Variants in TENM2 observed in about 807,000 individuals in gnomAD.
TENM2 encodes teneurin transmembrane protein 2.
Under a neutral mutation model 245.2 loss-of-function variants are expected in TENM2, and 52 were observed. That is an observed-to-expected ratio of 0.21 (90% CI 0.17 to 0.27). TENM2 has a LOEUF of 0.27. Among genes scored for constraint, TENM2 ranks in the 10% least tolerant of loss-of-function variants. TENM2 has a pLI of 1.00. For synonymous variants in TENM2, 1,363 were observed against 1,438.9 expected (o/e 0.95, Z 1.19); for missense variants, 3,046 against 3,666.8 (o/e 0.83, Z 4.37).
chr5:167,185,788 G>A, the TENM2 span, among the ~76,000 whole-genome samples: 2 of 151,784 alleles, frequency 1.3e-5, no homozygotes, highest in East Asian at 1.9e-4. Context: ...CTCCTTTCAC[G>A]GCCCTCAGAA....
intron 2 of TENM2, among the ~76,000 whole-genome samples, chr5:167,460,401 T>C (rs528666646): frequency 6.6e-6 from 1 of 152,352 alleles, no homozygotes; most frequent in Non-Finnish European, 1.5e-5. Context: ...CCATTTGTTT[T>C]AGGTAGACTG....
intron 26 of TENM2, among the ~76,000 whole-genome samples, chr5:168,246,302 C>A (rs1251773977): frequency 1.3e-5 from 2 of 151,956 alleles, no homozygotes; most frequent in Non-Finnish European, 1.5e-5. Flanking sequence ...GTGTTTCACA[C>A]AGCTCCCCTG....
chr5:167,378,074 A>G (rs1760872812), intron 2 of TENM2, among the ~76,000 whole-genome samples: 1 of 152,000 alleles, frequency 6.6e-6, no homozygotes, highest in South Asian at 2.1e-4. Flanking sequence ...TCTTGGTGGG[A>G]TTTTGGGATA....
chr5:168,215,076 C>G (rs368543584), exon 21 of TENM2: 1 of 1,613,710 alleles, frequency 6.2e-7, no homozygotes, highest in Non-Finnish European at 8.5e-7. Context: ...TGGCAGTGGA[C>G]CCCGTGTCCG....
chr5:167,934,499 A>G (rs1198480095), intron 3 of TENM2, among the ~76,000 whole-genome samples: 1 of 152,190 alleles, frequency 6.6e-6, no homozygotes, highest in Non-Finnish European at 1.5e-5. Flanking sequence ...CACCTTTAAA[A>G]GCAAGTACTT....
chr5:168,071,446 G>T (rs1791007079), intron 7 of TENM2, among the ~76,000 whole-genome samples: 1 of 152,124 alleles, frequency 6.6e-6, no homozygotes, highest in Admixed American at 6.5e-5. Context: ...ATATTTTCCA[G>T]ACTGTTTTCT....
intron 2 of TENM2, among the ~76,000 whole-genome samples, chr5:167,791,711 A>G (rs1764987664): frequency 6.6e-6 from 1 of 151,930 alleles, no homozygotes; most frequent in Non-Finnish European, 1.5e-5. Flanking sequence ...TAATGAATCA[A>G]ACCTGTCTTG....
chr5:167,086,968 C>G, the TENM2 span, among the ~76,000 whole-genome samples: 1 of 148,676 alleles, frequency 6.7e-6, no homozygotes, highest in African/African-American at 2.5e-5. Flanking sequence ...CACACACACA[C>G]AGTGCCTGGG....
chr5:167,491,037 C>A lies in TENM2; in HGVS notation c.502+115564C>A, dbSNP rs578112163. On this transcript the variant is annotated intron_variant, in intron 2 of 28. Transcript: ENST00000518659. The stretch of plus-strand genomic sequence containing the variant: ...TTTGTCTAGGAATCAATCACAGTGA[C>A]ACAAGGAATAAGCTATGATGATTGG... 9.2e-5 allele frequency among the ~76,000 whole-genome samples: 14 copies of A among 152,266 alleles called. No homozygotes were observed. In the South Asian group the frequency reaches 2.9e-3, roughly 32 times the overall value.
the TENM2 span, among the ~76,000 whole-genome samples, chr5:167,056,782 C>T: frequency 6.7e-6 from 1 of 149,144 alleles, no homozygotes; most frequent in Non-Finnish European, 1.5e-5. Context: ...GTTTTTTTCT[C>T]TTCTCCTCCT....
chr5:167,896,146 G>C (rs1775202294), intron 3 of TENM2, among the ~76,000 whole-genome samples: 1 of 152,240 alleles, frequency 6.6e-6, no homozygotes, highest in South Asian at 2.1e-4. Flanking sequence ...ACCTGGGCTA[G>C]AGCTGGGACT....
At chr5:167,684,401 T>C (rs1756939441) in intron 2 of TENM2, among the ~76,000 whole-genome samples, 1 of 152,222 alleles carries the variant, frequency 6.6e-6, no homozygotes, top group South Asian at 2.1e-4. Context: ...ACTTTCTGTA[T>C]CTACCTGATC....
At chr5:167,267,500 A>T in the TENM2 span, among the ~76,000 whole-genome samples, 3 of 152,108 alleles carry the variant, frequency 2.0e-5, no homozygotes, top group Non-Finnish European at 2.9e-5. Context: ...TTTGGGAGGG[A>T]ATATTCCCCT....
chr5:168,100,320 T>A (rs901620247), intron 9 of TENM2, among the ~76,000 whole-genome samples: 2 of 152,180 alleles, frequency 1.3e-5, no homozygotes, highest in Admixed American at 6.5e-5. Flanking sequence ...TGGAAGATAG[T>A]GTGGCGATTC....
intron 9 of TENM2, among the ~76,000 whole-genome samples, chr5:168,102,302 A>G (rs935731010): frequency 6.6e-6 from 1 of 152,068 alleles, no homozygotes; most frequent in South Asian, 2.1e-4. Flanking sequence ...TGAACTCCCG[A>G]CCTCAGGTGA....
At position 167,437,881 on chromosome 5, in the gene TENM2, G is replaced by A. The variant is rs562895884; in HGVS notation, c.502+62408G>A. ...CCGCAGCCACGTGGAACTGGGAGTC[G>A]AATTAAACCTCTTTCTTTTGTAAAT... On this transcript the variant is annotated intron_variant, in intron 2 of 28. Coordinates refer to ENST00000518659, the Ensembl canonical transcript of TENM2. 8.5e-5 allele frequency among the ~76,000 whole-genome samples: 13 copies of A among 152,240 alleles called. No individual in the cohort carries two copies. The South Asian group carries it at 1.2e-3, about 15-fold the overall frequency.
chr5:167,927,591 G>T (rs1299310408), intron 3 of TENM2, among the ~76,000 whole-genome samples: 1 of 152,174 alleles, frequency 6.6e-6, no homozygotes, highest in Non-Finnish European at 1.5e-5. Context: ...CATAGGGAGG[G>T]AGGGCAGGAT....
At chr5:167,931,373 T>C (rs932676091) in intron 3 of TENM2, among the ~76,000 whole-genome samples, 5 of 151,940 alleles carry the variant, frequency 3.3e-5, no homozygotes, top group African/African-American at 1.2e-4. Context: ...TCATATCGGG[T>C]TGGGAAAGCC....
chr5:167,261,868 T>G, the TENM2 span, among the ~76,000 whole-genome samples: 1 of 152,144 alleles, frequency 6.6e-6, no homozygotes, highest in African/African-American at 2.4e-5. Context: ...GCAGAAGCCA[T>G]GTACCCTGGG....
Sources: gnomAD v4.1 joint callset for allele counts (sites outside exome capture counted in the v4.1 genomes callset) on GRCh38, gnomAD v4.1.1 for gene constraint, MANE v1.5 for transcripts, NCBI Gene and HGNC (gene_info 2026-07-23, HGNC 2026-07-21) for gene names.